Variants in DNAJC6 observed in about 807,000 individuals in gnomAD.
DNAJC6 encodes the protein DnaJ heat shock protein family (Hsp40) member C6.
DNAJC6 carries 34 observed loss-of-function variants against 110.0 expected under a neutral mutation model. That is an observed-to-expected ratio of 0.31 (90% CI 0.24 to 0.41). DNAJC6 has a LOEUF of 0.41. Among genes scored for constraint, DNAJC6 ranks in the 10% least tolerant of loss-of-function variants. The pLI, the probability that DNAJC6 is intolerant of heterozygous loss-of-function variation, is 1.00. For synonymous variants in DNAJC6, 406 were observed against 437.2 expected (o/e 0.93, Z 0.89); for missense variants, 1,031 against 1,207.8 (o/e 0.85, Z 2.17).
chr1:65,366,248 TC>T (rs1234602376), intron 4 of DNAJC6, 52 bp downstream of exon 4: 8 of 1,596,682 alleles, frequency 5.0e-6, no homozygotes, highest in Non-Finnish European at 6.0e-6. Context: ...ATGGTGCTTT[TC>T]CTCCTCAGAG....
chr1:65,285,271 A>G (rs76801232), intron 1 of DNAJC6, among the ~76,000 whole-genome samples: 1,590 of 152,248 alleles, frequency 0.01, 22 homozygotes, highest in Non-Finnish European at 0.012. Flanking sequence ...TCTCCTATAC[A>G]TGATTTATGT....
intron 1 of DNAJC6, among the ~76,000 whole-genome samples, chr1:65,288,487 C>T (rs757340204): frequency 2.0e-5 from 3 of 152,112 alleles, no homozygotes; most frequent in African/African-American, 4.8e-5. Context: ...TGCTAAACAT[C>T]GGTTTCAGAA....
Position 65,385,883 on chromosome 1 carries a change from T to C in DNAJC6, c.972T>C (p.Thr324=). 6.2e-7 allele frequency: 1 copy of C among 1,608,680 alleles called. No individual in the cohort carries two copies. Residue 324 remains threonine (T), a synonymous_variant, in exon 7 of 19, where the codon ACT becomes ACC. Coordinates refer to ENST00000371069, the MANE Select transcript of DNAJC6 (RefSeq NM_001256864.2). ...TTGGAGAAACCAAAATATATTCGAC[T>C]TGCACAGATTTTGAACGAATGAAGT... The part of the protein sequence containing the change: ...VLIGETKIYS[T]CTDFERMKEY...
At position 65,414,441 on chromosome 1, in the gene DNAJC6, G is replaced by C. The variant is rs999052336; in HGVS notation, c.*1416G>C. 1.3e-5 allele frequency: 2 copies of C among 152,536 alleles called. No homozygotes were observed. The highest frequency in any genetic ancestry group is 2.9e-5 in the Non-Finnish European group (2 of 68,014). The allele number at this position is 152,536 out of a possible 1,614,324, so 9.4% of individuals were successfully genotyped here. On this transcript the variant is annotated 3_prime_UTR_variant, in exon 19 of 19. Coordinates refer to ENST00000371069, the MANE Select transcript of DNAJC6 (RefSeq NM_001256864.2). ...AAGATTTTCATGCTAATCTTCAAAG[G>C]TTCATGCTCAATATTGTGAAAAGCT...
chr1:65,324,442 C>G (rs1645223920), intron 1 of DNAJC6, among the ~76,000 whole-genome samples: 1 of 152,050 alleles, frequency 6.6e-6, no homozygotes, highest in Non-Finnish European at 1.5e-5. Flanking sequence ...TCACTGCAAC[C>G]TCCACCTCCC....
In DNAJC6 at chr1:65,413,233, G is replaced by A. The variant is rs1054231962; in HGVS notation, c.*208G>A. The A allele has an allele frequency of 2.0e-6, 1 of 506,788 alleles. No homozygotes were observed. Among genetic ancestry groups the A allele is most frequent in the African/African-American group, 2.0e-5 (1 of 51,022 alleles). 31.4% of individuals were successfully genotyped at this position (506,788 alleles called of 1,614,324 possible). ...CCACCATAAAAGATCCAAAGCATGAGAGGAACTTCTAGTCAGATGACCTTG... is the reference window on the plus strand; with the variant it reads ...CCACCATAAAAGATCCAAAGCATGAAAGGAACTTCTAGTCAGATGACCTTG... On this transcript the variant is annotated 3_prime_UTR_variant, in exon 19 of 19. Coordinates refer to ENST00000371069, the MANE Select transcript of DNAJC6 (RefSeq NM_001256864.2).
intron 1 of DNAJC6, among the ~76,000 whole-genome samples, chr1:65,360,449 T>G (rs545635190): frequency 1.3e-5 from 2 of 152,198 alleles, no homozygotes; most frequent in African/African-American, 4.8e-5. Flanking sequence ...TGTAGTTCTA[T>G]TCCAGCATAA....
intron 1 of DNAJC6, among the ~76,000 whole-genome samples, chr1:65,282,326 T>G (rs1653880055): frequency 1.3e-5 from 2 of 152,226 alleles, no homozygotes; most frequent in South Asian, 4.1e-4. Flanking sequence ...ATGCATTATC[T>G]GCAGTGTTTG....
Position 65,275,366 on chromosome 1 carries a change from G to A in DNAJC6, c.-131+10434G>A, listed in dbSNP as rs539918258. Among the ~76,000 whole-genome samples, 4 of 152,338 alleles carry A rather than the reference G, an allele frequency of 2.6e-5. No homozygotes were observed. The South Asian group carries it at 8.3e-4, about 32-fold the overall frequency. On this transcript the variant is annotated intron_variant, in intron 1 of 19. Transcript: ENST00000263441. ...ACTAGGTGTATAGAATTATGGGGAA[G>A]CAGGTGTTCCCCCAGCACTTTAAAA...
intron 1 of DNAJC6, among the ~76,000 whole-genome samples, chr1:65,322,591 G>T (rs1458762090): frequency 1.3e-5 from 2 of 152,032 alleles, no homozygotes; most frequent in Admixed American, 6.6e-5. Context: ...TTTATATATT[G>T]TATATGCAGT....
intron 1 of DNAJC6, among the ~76,000 whole-genome samples, chr1:65,275,393 A>G (rs977044501): frequency 3.3e-5 from 5 of 152,188 alleles, no homozygotes; most frequent in African/African-American, 9.7e-5. Context: ...ACTTTAAAAC[A>G]TGTTATCCCA....
chr1:65,332,925 G>A (rs1440274650), intron 1 of DNAJC6, among the ~76,000 whole-genome samples: 2 of 152,156 alleles, frequency 1.3e-5, no homozygotes, highest in African/African-American at 4.8e-5. Context: ...ATAGAAAATT[G>A]GAGGGTGCTC....
chr1:65,271,935 C>T (rs536218673), intron 1 of DNAJC6, among the ~76,000 whole-genome samples: 1 of 151,246 alleles, frequency 6.6e-6, no homozygotes, highest in Admixed American at 6.6e-5. Flanking sequence ...AGTGACCTTG[C>T]TAAATTCACT....
At chr1:65,370,111 G>A in intron 4 of DNAJC6, among the ~76,000 whole-genome samples, 1 of 152,068 alleles carries the variant, frequency 6.6e-6, no homozygotes, top group South Asian at 2.1e-4. Context: ...GAGTACTGAT[G>A]CTGACAATGA....
intron 17 of DNAJC6, among the ~76,000 whole-genome samples, chr1:65,409,862 A>G (rs1298388966): frequency 2.0e-5 from 3 of 152,198 alleles, no homozygotes; most frequent in Non-Finnish European, 2.9e-5. Flanking sequence ...TCAAATCAAC[A>G]TACTGTTTTA....
intron 1 of DNAJC6, among the ~76,000 whole-genome samples, chr1:65,296,531 T>C (rs1644930289): frequency 6.6e-6 from 1 of 151,656 alleles, no homozygotes; most frequent in Admixed American, 6.6e-5. Context: ...CATCTTTTCA[T>C]AGGTTGTTGA....
At position 65,309,823 on chromosome 1, in the gene DNAJC6, G is replaced by A; in HGVS notation, c.78G>A (p.Gly26=). 1 of 1,549,496 alleles carries A rather than the reference G, an allele frequency of 6.5e-7. No homozygotes were observed. Among genetic ancestry groups the A allele is most frequent in the Non-Finnish European group, 8.7e-7 (1 of 1,146,486 alleles). Residue 26 remains glycine (G), a synonymous_variant, in exon 1 of 19, where the codon GGG becomes GGA. Coordinates refer to ENST00000371069, the MANE Select transcript of DNAJC6 (RefSeq NM_001256864.2). ...YESLQLVDSN[G]DLSAGSGGVG... is the part of the protein sequence containing the mutation. ...CTTTGCAGCTGGTGGACAGTAACGG[G>A]GACTTAAGTGCGGGAAGCGGCGGGG...
intron 5 of DNAJC6, among the ~76,000 whole-genome samples, chr1:65,381,849 G>A (rs773372183): frequency 3.9e-5 from 6 of 152,162 alleles, no homozygotes; most frequent in Non-Finnish European, 8.8e-5. Context: ...TAGGAAGAAC[G>A]TAACAATGAT....
chr1:65,391,854 T>C (rs1294592401), intron 11 of DNAJC6, among the ~76,000 whole-genome samples: 2 of 152,174 alleles, frequency 1.3e-5, no homozygotes, highest in African/African-American at 4.8e-5. Context: ...CTTGGCTCAT[T>C]GCAACCTCTA....
Sources: gnomAD v4.1 joint callset for allele counts (sites outside exome capture counted in the v4.1 genomes callset) on GRCh38, gnomAD v4.1.1 for gene constraint, MANE v1.5 for transcripts, NCBI Gene and HGNC (gene_info 2026-07-23, HGNC 2026-07-21) for gene names.